The following DPP10 variants were observed in gnomAD, a reference collection of about 807,000 sequenced individuals.
The protein encoded by DPP10 is dipeptidyl peptidase like 10, also known as inactive dipeptidyl peptidase 10.
A neutral mutation model predicts 120.9 loss-of-function variants in DPP10; 33 were observed. The observed-to-expected ratio is 0.27, with a 90% CI of 0.21 to 0.37. The LOEUF (loss-of-function observed/expected upper bound fraction) is 0.37. Ranked by LOEUF, DPP10 falls within the 10% of genes least tolerant of loss-of-function variation. The probability of loss-of-function intolerance (pLI) is 1.00; values close to 1 mark genes in which losing one functional copy is unlikely to be tolerated. For missense variants in DPP10, 816 were observed against 942.8 expected (o/e 0.87, Z 1.76); for synonymous variants, 337 against 326.1 (o/e 1.03, Z -0.36).
intron 21 of DPP10, among the ~76,000 whole-genome samples, chr2:115,821,516 GTTT>G (rs1294334808): frequency 6.6e-6 from 1 of 151,920 alleles, no homozygotes; most frequent in African/African-American, 2.4e-5. Flanking sequence ...AGAGAAATAT[GTTT>G]TTATCTTTTT....
At chr2:115,517,076 C>T (rs890895619) in intron 4 of DPP10, among the ~76,000 whole-genome samples, 4 of 152,062 alleles carry the variant, frequency 2.6e-5, no homozygotes, top group African/African-American at 9.7e-5. Flanking sequence ...TGAAGTATAA[C>T]TTTCACATGC....
intron 19 of DPP10, among the ~76,000 whole-genome samples, chr2:115,804,759 C>T (rs1004702871): frequency 2.6e-5 from 4 of 152,098 alleles, no homozygotes; most frequent in Admixed American, 6.5e-5. Context: ...ACTGGTGAAC[C>T]GCAAATGCTG....
intron 5 of DPP10, among the ~76,000 whole-genome samples, chr2:115,626,280 A>G (rs1346252964): frequency 6.6e-6 from 1 of 152,036 alleles, no homozygotes; most frequent in Non-Finnish European, 1.5e-5. Context: ...GACATACATG[A>G]TCTTAACCAA....
At chr2:115,499,029 T>C (rs1235778616) in intron 3 of DPP10, among the ~76,000 whole-genome samples, 1 of 151,990 alleles carries the variant, frequency 6.6e-6, no homozygotes, top group African/African-American at 2.4e-5. Context: ...AGATGCTGAA[T>C]AGGAATTCAG....
chr2:114,991,127 C>T (rs1229701084), intron 1 of DPP10, among the ~76,000 whole-genome samples: 1 of 152,070 alleles, frequency 6.6e-6, no homozygotes, highest in Non-Finnish European at 1.5e-5. Flanking sequence ...CTTTTTAGAA[C>T]ATGTTTTATA....
chr2:114,906,265 T>A (rs1693950732), intron 1 of DPP10, among the ~76,000 whole-genome samples: 1 of 151,838 alleles, frequency 6.6e-6, no homozygotes, highest in Non-Finnish European at 1.5e-5. Flanking sequence ...GTGCCTGTAG[T>A]CCCAGCTACT....
intron 3 of DPP10, among the ~76,000 whole-genome samples, chr2:115,450,664 C>T (rs539580344): frequency 4.6e-5 from 7 of 151,996 alleles, no homozygotes; most frequent in Admixed American, 6.6e-5. Context: ...ATGGCATATC[C>T]TTGTTCTTCT....
intron 1 of DPP10, among the ~76,000 whole-genome samples, chr2:114,659,506 T>A (rs1347982368): frequency 6.6e-6 from 1 of 152,136 alleles, no homozygotes; most frequent in African/African-American, 2.4e-5. Flanking sequence ...GGGTTTAGTA[T>A]TAGGCCTACT....
At chr2:115,468,083 A>C (rs1358924636) in intron 3 of DPP10, 1 of 445,284 alleles carries the variant, frequency 2.2e-6, no homozygotes. Context: ...TGTCTTGAAA[A>C]TGAAGGTAGA....
chr2:114,750,491 G>A (rs769935715), intron 1 of DPP10, among the ~76,000 whole-genome samples: 44 of 152,016 alleles, frequency 2.9e-4, no homozygotes, highest in Admixed American at 1.8e-3. Context: ...CTGCCACCAC[G>A]CCCAGCTAAT....
chr2:115,295,655 T>G (rs187637215), intron 1 of DPP10, among the ~76,000 whole-genome samples: 1 of 152,110 alleles, frequency 6.6e-6, no homozygotes, highest in Non-Finnish European at 1.5e-5. Flanking sequence ...GCAATAAAAA[T>G]AATTAAAAGC....
At position 115,447,179 on chromosome 2, in the gene DPP10, C is replaced by G. The variant is rs548132916; in HGVS notation, c.272-52331C>G. 5.3e-5 allele frequency among the ~76,000 whole-genome samples: 8 copies of G among 152,302 alleles called. No homozygotes were observed. In the South Asian group the frequency reaches 1.7e-3, roughly 32 times the overall value. ...GAGCTTTAAGATTTAATGACTGCCC[C>G]CACTGGATTTTGGACTAGGATGGGG... On this transcript the variant is annotated intron_variant, in intron 3 of 25. Transcript: ENST00000410059.
chr2:114,666,908 A>G (rs1172710787), intron 1 of DPP10, among the ~76,000 whole-genome samples: 1 of 152,186 alleles, frequency 6.6e-6, no homozygotes. Context: ...AAACATGACT[A>G]GTTACTTTTT....
chr2:115,164,033 A>G (rs757289606), intron 1 of DPP10, among the ~76,000 whole-genome samples: 4 of 152,196 alleles, frequency 2.6e-5, no homozygotes, highest in Non-Finnish European at 4.4e-5. Context: ...GGGAGTGGCT[A>G]CTTTGCAGAA....
At chr2:114,996,625 G>A (rs1007282331) in intron 1 of DPP10, among the ~76,000 whole-genome samples, 22 of 152,024 alleles carry the variant, frequency 1.4e-4, no homozygotes, top group Non-Finnish European at 4.4e-5. Context: ...AGTTTTTAAT[G>A]TACATTATCC....
intron 1 of DPP10, among the ~76,000 whole-genome samples, chr2:114,800,681 G>A (rs1684117125): frequency 1.3e-5 from 2 of 152,188 alleles, no homozygotes; most frequent in African/African-American, 2.4e-5. Context: ...TCCTCATGAT[G>A]TTTAGAGGTA....
intron 19 of DPP10, among the ~76,000 whole-genome samples, chr2:115,806,846 C>A (rs559424616): frequency 5.1e-4 from 78 of 151,986 alleles, no homozygotes; most frequent in African/African-American, 1.7e-3. Context: ...ATTGCCCCCC[C>A]ACCCCCAGTT....
chr2:115,571,042 C>G (rs1401358108), intron 5 of DPP10, among the ~76,000 whole-genome samples: 1 of 152,198 alleles, frequency 6.6e-6, no homozygotes, highest in South Asian at 2.1e-4. Flanking sequence ...TTGGCACTCA[C>G]ACATCTAATG....
At chr2:115,060,267 A>G (rs983326950) in intron 1 of DPP10, among the ~76,000 whole-genome samples, 1 of 151,084 alleles carries the variant, frequency 6.6e-6, no homozygotes, top group East Asian at 1.9e-4. Context: ...TATGCATGTG[A>G]TAGAACGAAA....
Sources: gnomAD v4.1 joint callset for allele counts (sites outside exome capture counted in the v4.1 genomes callset) on GRCh38, gnomAD v4.1.1 for gene constraint, MANE v1.5 for transcripts, NCBI Gene and HGNC (gene_info 2026-07-23, HGNC 2026-07-21) for gene names.